The following ENTREP2 variants were observed in gnomAD, a reference collection of about 807,000 sequenced individuals.
ENTREP2 encodes the protein protein ENTREP2.
chr15:29,122,906 C>T, the ENTREP2 span: 1 of 160,132 alleles, frequency 6.2e-6, no homozygotes, highest in African/African-American at 2.4e-5. Context: ...ATGTCACCCT[C>T]TGTCCACTGA....
chr15:29,388,221 C>T, the ENTREP2 span, among the ~76,000 whole-genome samples: 1 of 152,240 alleles, frequency 6.6e-6, no homozygotes, highest in Non-Finnish European at 1.5e-5. Context: ...ATCTACTCAT[C>T]TGCCAAAGGG....
the ENTREP2 span, among the ~76,000 whole-genome samples, chr15:29,584,336 T>G: frequency 6.6e-6 from 1 of 152,200 alleles, no homozygotes; most frequent in Non-Finnish European, 1.5e-5. Context: ...TGAAGAGATA[T>G]CTGCACTTCA....
the ENTREP2 span, among the ~76,000 whole-genome samples, chr15:29,450,041 T>A: frequency 6.6e-6 from 1 of 152,178 alleles, no homozygotes; most frequent in Non-Finnish European, 1.5e-5. Flanking sequence ...TGACTGCACG[T>A]ATGTCTTTGG....
chr15:29,394,374 G>A, the ENTREP2 span, among the ~76,000 whole-genome samples: 1 of 150,494 alleles, frequency 6.6e-6, no homozygotes, highest in Admixed American at 6.6e-5. Context: ...AGAGGTTTAT[G>A]TATTACTGGA....
chr15:29,530,912 T>G, the ENTREP2 span, among the ~76,000 whole-genome samples: 1 of 152,166 alleles, frequency 6.6e-6, no homozygotes, highest in African/African-American at 2.4e-5. Context: ...TAGCCTTTCC[T>G]TTGAGCCCTG....
the ENTREP2 span, among the ~76,000 whole-genome samples, chr15:29,478,185 C>T: frequency 1.3e-4 from 19 of 151,300 alleles, no homozygotes; most frequent in African/African-American, 3.4e-4. Flanking sequence ...TCACCACGCC[C>T]GGCTAATTTT....
chr15:29,333,537 C>T, the ENTREP2 span, among the ~76,000 whole-genome samples: 3 of 152,150 alleles, frequency 2.0e-5, no homozygotes, highest in South Asian at 2.1e-4. Flanking sequence ...TGGGGGGACA[C>T]GTGGGCAGCG....
the ENTREP2 span, among the ~76,000 whole-genome samples, chr15:29,439,420 T>G: frequency 6.6e-6 from 1 of 151,542 alleles, no homozygotes; most frequent in Non-Finnish European, 1.5e-5. Flanking sequence ...CCCACACTAT[T>G]GAATTACAAC....
chr15:29,381,667 C>G, the ENTREP2 span: 1 of 867,784 alleles, frequency 1.2e-6, no homozygotes, highest in Admixed American at 2.3e-5. Context: ...CTGCTTCCCG[C>G]TGCCTGAAAA....
the ENTREP2 span, among the ~76,000 whole-genome samples, chr15:29,371,541 T>C: frequency 5.3e-5 from 8 of 151,936 alleles, no homozygotes; most frequent in Non-Finnish European, 1.2e-4. Context: ...AGTTAACCTG[T>C]GGGGGGAGGT....
At chr15:29,356,149 AAG>A in the ENTREP2 span, among the ~76,000 whole-genome samples, 1 of 148,852 alleles carries the variant, frequency 6.7e-6, no homozygotes, top group Non-Finnish European at 1.5e-5. Context: ...TGAGGATGAG[AAG>A]ATTTTTATCT....
At chr15:29,132,913 C>G in the ENTREP2 span, among the ~76,000 whole-genome samples, 7 of 152,110 alleles carry the variant, frequency 4.6e-5, no homozygotes, top group Non-Finnish European at 7.4e-5. Flanking sequence ...AGTGCAGAGC[C>G]GGAATTGTGA....
the ENTREP2 span, among the ~76,000 whole-genome samples, chr15:29,645,495 A>G: frequency 1.6e-4 from 24 of 152,164 alleles, no homozygotes; most frequent in African/African-American, 5.1e-4. Context: ...AAGTTGCCAC[A>G]TTACAGTAGC....
the ENTREP2 span, chr15:29,373,734 T>C: frequency 1.3e-5 from 2 of 152,140 alleles, no homozygotes; most frequent in African/African-American, 4.8e-5. Context: ...TATTTTCAAA[T>C]TGCTTAAGGG....
chr15:29,622,129 G>A, the ENTREP2 span, among the ~76,000 whole-genome samples: 1 of 152,014 alleles, frequency 6.6e-6, no homozygotes, highest in African/African-American at 2.4e-5. Context: ...ATAGATGATG[G>A]GGATGGCTGC....
the ENTREP2 span, among the ~76,000 whole-genome samples, chr15:29,483,208 T>G: frequency 3.1e-3 from 477 of 152,356 alleles, 3 homozygotes; most frequent in African/African-American, 0.01. Flanking sequence ...TATCAAGGTT[T>G]AAGAGTTATT....
the ENTREP2 span, among the ~76,000 whole-genome samples, chr15:29,615,226 G>C: frequency 1.3e-5 from 2 of 151,166 alleles, no homozygotes; most frequent in Non-Finnish European, 2.9e-5. Context: ...TGCGATCTCA[G>C]CTCACTGCAA....
At chr15:29,540,493 C>G in the ENTREP2 span, among the ~76,000 whole-genome samples, 1 of 152,216 alleles carries the variant, frequency 6.6e-6, no homozygotes, top group African/African-American at 2.4e-5. Flanking sequence ...CAGTGAAACT[C>G]TTCTTAGGCA....
chr15:29,227,035 C>T, the ENTREP2 span, among the ~76,000 whole-genome samples: 2 of 152,312 alleles, frequency 1.3e-5, no homozygotes, highest in East Asian at 1.9e-4. Flanking sequence ...GATCACCCTT[C>T]GGCAGACATT....
Sources: allele counts gnomAD v4.1 joint callset (sites outside exome capture counted in the v4.1 genomes callset), GRCh38; gene constraint gnomAD v4.1.1; transcripts MANE v1.5; gene names NCBI Gene and HGNC (gene_info 2026-07-23, HGNC 2026-07-21).